HS6ST3: variants seen among roughly 807,000 people sequenced by gnomAD.
HS6ST3 encodes heparan sulfate 6-O-sulfotransferase 3, also known as heparan-sulfate 6-O-sulfotransferase 3.
Under a neutral mutation model 36.7 loss-of-function variants are expected in HS6ST3, and 12 were observed. The ratio of observed to expected loss-of-function variants is 0.33; its 90% CI spans 0.21 to 0.53. The LOEUF is 0.53. HS6ST3 is among the 20% of genes least tolerant of loss of function. HS6ST3 has a pLI of 0.95. For synonymous variants in HS6ST3, 240 were observed against 257.5 expected, an observed-to-expected ratio of 0.93 and a Z score of 0.65; for missense variants, 584 against 640.9, an observed-to-expected ratio of 0.91 and a Z score of 0.96.
At chr13:96,360,088 T>C (rs2055229853) in intron 1 of HS6ST3, among the ~76,000 whole-genome samples, 1 of 152,078 alleles carries the variant, frequency 6.6e-6, no homozygotes, top group Non-Finnish European at 1.5e-5. Flanking sequence ...CAAGATGCTT[T>C]GCCAGCTTGG....
At chr13:96,277,786 T>C (rs2054755609) in intron 1 of HS6ST3, among the ~76,000 whole-genome samples, 1 of 152,184 alleles carries the variant, frequency 6.6e-6, no homozygotes, top group East Asian at 1.9e-4. Context: ...ATTTGGGTGA[T>C]AGGCTAATGA....
intron 1 of HS6ST3, among the ~76,000 whole-genome samples, chr13:96,095,071 T>C (rs1010552760): frequency 6.6e-6 from 1 of 152,212 alleles, no homozygotes; most frequent in Non-Finnish European, 1.5e-5. Flanking sequence ...ACATTTTTCA[T>C]GGGGAATGTA....
chr13:96,723,851 A>G (rs1875918741), intron 1 of HS6ST3, among the ~76,000 whole-genome samples: 1 of 152,146 alleles, frequency 6.6e-6, no homozygotes, highest in Non-Finnish European at 1.5e-5. Flanking sequence ...TAATGGTCTC[A>G]TCTTAAATTC....
intron 1 of HS6ST3, among the ~76,000 whole-genome samples, chr13:96,625,641 T>C (rs2056509541): frequency 6.6e-6 from 1 of 152,126 alleles, no homozygotes; most frequent in African/African-American, 2.4e-5. Context: ...ACATAGTTTC[T>C]TGTGTTTATA....
intron 1 of HS6ST3, among the ~76,000 whole-genome samples, chr13:96,698,196 TC>T (rs1875184365): frequency 6.6e-6 from 1 of 151,928 alleles, no homozygotes; most frequent in African/African-American, 2.4e-5. Flanking sequence ...CCCTCCCTGC[TC>T]CCCCCACCCC....
At chr13:96,550,355 A>G (rs2056215150) in intron 1 of HS6ST3, among the ~76,000 whole-genome samples, 1 of 152,058 alleles carries the variant, frequency 6.6e-6, no homozygotes, top group African/African-American at 2.4e-5. Context: ...TCCACCTTCC[A>G]CCATCAGTAA....
chr13:96,526,215 G>C (rs1443330261), intron 1 of HS6ST3, among the ~76,000 whole-genome samples: 1 of 152,122 alleles, frequency 6.6e-6, no homozygotes, highest in Non-Finnish European at 1.5e-5. Context: ...AAGATCCAGG[G>C]GGGACACAGG....
chr13:96,718,981 A>T (rs1875775920), intron 1 of HS6ST3, among the ~76,000 whole-genome samples: 1 of 152,172 alleles, frequency 6.6e-6, no homozygotes, highest in South Asian at 2.1e-4. Flanking sequence ...GCACCTAAGA[A>T]GTTTCTATTT....
chr13:96,684,270 G>C (rs1400966354), intron 1 of HS6ST3, among the ~76,000 whole-genome samples: 1 of 151,820 alleles, frequency 6.6e-6, no homozygotes. Context: ...TTTTCTACAT[G>C]CATGTTCCAA....
At chr13:96,491,141 T>G (rs1267724585) in intron 1 of HS6ST3, among the ~76,000 whole-genome samples, 1 of 152,192 alleles carries the variant, frequency 6.6e-6, no homozygotes, top group African/African-American at 2.4e-5. Flanking sequence ...AGTCTCATAC[T>G]TTAGCTAATT....
At chr13:96,531,584 G>T (rs1358179378) in intron 1 of HS6ST3, among the ~76,000 whole-genome samples, 10 of 152,146 alleles carry the variant, frequency 6.6e-5, no homozygotes, top group Non-Finnish European at 1.2e-4. Context: ...GCAGAGGGTG[G>T]TCTGTGACCC....
At chr13:96,462,177 C>T (rs985385964) in intron 1 of HS6ST3, among the ~76,000 whole-genome samples, 3 of 152,106 alleles carry the variant, frequency 2.0e-5, no homozygotes, top group Non-Finnish European at 1.5e-5. Context: ...TCAAGCAATC[C>T]TCCCACCTGA....
At chr13:96,549,243 G>C (rs1014087731) in intron 1 of HS6ST3, among the ~76,000 whole-genome samples, 60 of 151,974 alleles carry the variant, frequency 3.9e-4, no homozygotes, top group African/African-American at 1.4e-3. Flanking sequence ...CAATAAAAAT[G>C]ATTCCTGGAT....
At chr13:96,290,698 A>G (rs1223973387) in intron 1 of HS6ST3, among the ~76,000 whole-genome samples, 1 of 152,190 alleles carries the variant, frequency 6.6e-6, no homozygotes, top group African/African-American at 2.4e-5. Context: ...AATCTCATTA[A>G]AATGGAAGTC....
At chr13:96,548,147 A>G (rs1224949924) in intron 1 of HS6ST3, among the ~76,000 whole-genome samples, 3 of 152,230 alleles carry the variant, frequency 2.0e-5, no homozygotes, top group East Asian at 3.9e-4. Flanking sequence ...CTTTTAACCC[A>G]AAACATTTTC....
intron 1 of HS6ST3, among the ~76,000 whole-genome samples, chr13:96,237,070 T>C (rs115893553): frequency 0.012 from 1,753 of 152,212 alleles, 36 homozygotes; most frequent in African/African-American, 0.041. Flanking sequence ...CCATCAGATC[T>C]CATGAGAAGT....
intron 1 of HS6ST3, among the ~76,000 whole-genome samples, chr13:96,438,368 T>C (rs576750296): frequency 2.6e-5 from 4 of 152,234 alleles, no homozygotes; most frequent in Non-Finnish European, 5.9e-5. Context: ...CTGCATACTC[T>C]TATGTGAAAT....
intron 1 of HS6ST3, among the ~76,000 whole-genome samples, chr13:96,609,287 A>C (rs2056449553): frequency 6.6e-6 from 1 of 152,272 alleles, no homozygotes; most frequent in Non-Finnish European, 1.5e-5. Flanking sequence ...TTTTAAAATA[A>C]AAAGAATTTT....
At chr13:96,486,038 C>T (rs901329804) in intron 1 of HS6ST3, among the ~76,000 whole-genome samples, 5 of 138,514 alleles carry the variant, frequency 3.6e-5, no homozygotes, top group Admixed American at 1.5e-4. Flanking sequence ...CAACAGGCCC[C>T]GGTGTGTGAT....
Sources: gnomAD v4.1 joint callset for allele counts (sites outside exome capture counted in the v4.1 genomes callset) on GRCh38, gnomAD v4.1.1 for gene constraint, MANE v1.5 for transcripts, NCBI Gene and HGNC (gene_info 2026-07-23, HGNC 2026-07-21) for gene names.